The following TENM1 variants were observed in gnomAD, a reference collection of about 807,000 sequenced individuals.
TENM1 encodes teneurin-1.
A neutral mutation model predicts 174.8 loss-of-function variants in TENM1; 35 were observed. The ratio of observed to expected loss-of-function variants is 0.20; its 90% CI spans 0.15 to 0.27. The LOEUF is 0.27. Ranked by LOEUF, TENM1 falls within the 10% of genes least tolerant of loss-of-function variation. The pLI, the probability that TENM1 is intolerant of heterozygous loss-of-function variation, is 1.00. For synonymous variants in TENM1, 781 were observed against 798.7 expected (o/e 0.98, Z 0.37); for missense variants, 1,633 against 2,130.1 (o/e 0.77, Z 4.59).
At chrX:124,900,233 T>G (rs1414159738) in intron 1 of TENM1, among the ~76,000 whole-genome samples, 1 of 112,291 alleles carries the variant, frequency 8.9e-6, no homozygotes, top group Non-Finnish European at 1.9e-5. Flanking sequence ...GGACTATTGA[T>G]GCATAACAAT....
intron 15 of TENM1, among the ~76,000 whole-genome samples, chrX:124,535,673 ATCTG>A (rs1046815162): frequency 4.5e-5 from 5 of 112,304 alleles, no homozygotes; most frequent in African/African-American, 9.7e-5. Context: ...ACAGTTTTAG[ATCTG>A]TCTGTCTTTT....
the TENM1 span, among the ~76,000 whole-genome samples, chrX:125,001,049 G>T: frequency 9.1e-6 from 1 of 109,918 alleles, no homozygotes; most frequent in South Asian, 3.9e-4. Flanking sequence ...CTATACTCCA[G>T]ACATCTCATA....
chrX:124,567,501 C>T (rs1017599160), intron 11 of TENM1, among the ~76,000 whole-genome samples: 6 of 111,358 alleles, frequency 5.4e-5, no homozygotes, highest in African/African-American at 1.3e-4. Context: ...CAGAGAAGTG[C>T]CCATTGGATT....
At chrX:124,939,258 C>G (rs1486893095) in intron 1 of TENM1, among the ~76,000 whole-genome samples, 1 of 111,626 alleles carries the variant, frequency 9.0e-6, no homozygotes, top group Non-Finnish European at 1.9e-5. Flanking sequence ...TGACAAAGAC[C>G]ACAAGATTGA....
the TENM1 span, among the ~76,000 whole-genome samples, chrX:125,051,097 G>C: frequency 3.6e-5 from 4 of 111,453 alleles, no homozygotes; most frequent in Non-Finnish European, 7.5e-5. Flanking sequence ...ATTCACAATT[G>C]CTTCAAAGAG....
At chrX:125,105,178 T>C in the TENM1 span, among the ~76,000 whole-genome samples, 32 of 111,511 alleles carry the variant, frequency 2.9e-4, no homozygotes, top group Middle Eastern at 4.2e-3. Context: ...TTTTTGACAA[T>C]AGAAAGGCAG....
intron 10 of TENM1, among the ~76,000 whole-genome samples, chrX:124,644,109 C>A (rs1035870223): frequency 1.1e-5 from 1 of 89,812 alleles, no homozygotes; most frequent in Admixed American, 1.3e-4. Flanking sequence ...ATGTATATGG[C>A]AGATATATAC....
rs12013090 is a variant in TENM1, at chrX:124,420,796, T to C, written c.4497A>G (p.Ala1499=). ...CTAAGGAGGAAGGGGCTTTCATCTT[T>C]GCATCTTTGGCATAGCCACCATCAC... The change falls in exon 25 of 32, where the codon GCA becomes GCG. Residue 1499 remains alanine (A), a synonymous_variant. Transcript: ENST00000422452. 180,586 of 1,205,651 alleles carry C rather than the reference T, an allele frequency of 0.15. 9,902 individuals are homozygous for C. The highest frequency in any genetic ancestry group is 0.31 in the South Asian group (17,722 of 56,625).
intron 1 of TENM1, among the ~76,000 whole-genome samples, chrX:124,901,261 G>A (rs756433446): frequency 6.4e-4 from 71 of 110,854 alleles, no homozygotes; most frequent in Non-Finnish European, 1.2e-3. Flanking sequence ...GAGCTGGTCT[G>A]GCACATAGGA....
chrX:124,606,911 T>G (rs1352254339), intron 11 of TENM1, among the ~76,000 whole-genome samples: 1 of 110,228 alleles, frequency 9.1e-6, no homozygotes, highest in African/African-American at 3.3e-5. Context: ...AGGTGCTCAG[T>G]AAGTTAATGG....
rs5958501 is a variant in TENM1, at chrX:124,477,468, T to C, written c.3949+4264A>G. 9.3e-3 allele frequency among the ~76,000 whole-genome samples: 1,040 copies of C among 111,745 alleles called. 12 individuals carry two copies. The highest frequency in any genetic ancestry group is 0.03 in the African/African-American group (939 of 30,998). On this transcript the variant is annotated intron_variant, in intron 22 of 31. Coordinates refer to ENST00000422452, the Ensembl canonical transcript of TENM1. ...ATATTTCCAACCTTCCCAGAGATCATAGATTTTAGCAGAAAGGCAGACAGT... is the reference window on the plus strand; with the variant it reads ...ATATTTCCAACCTTCCCAGAGATCACAGATTTTAGCAGAAAGGCAGACAGT...
At chrX:124,382,747 G>T (rs1271267635) in exon 31 of TENM1, 1 of 1,203,972 alleles carries the variant, frequency 8.3e-7, no homozygotes, top group Non-Finnish European at 1.1e-6. Context: ...TCTAATTCAG[G>T]TTTGGGAAAT....
At chrX:124,576,204 T>C in intron 11 of TENM1, among the ~76,000 whole-genome samples, 1 of 110,605 alleles carries the variant, frequency 9.0e-6, no homozygotes, top group Non-Finnish European at 1.9e-5. Context: ...AGACTACAGG[T>C]ACACACCACC....
At chrX:125,159,823 G>A in the TENM1 span, among the ~76,000 whole-genome samples, 518 of 111,954 alleles carry the variant, frequency 4.6e-3, 3 homozygotes, top group African/African-American at 0.016. Flanking sequence ...ATTAAAGACA[G>A]AGCAGTGCAT....
intron 11 of TENM1, among the ~76,000 whole-genome samples, chrX:124,608,941 C>A (rs979617791): frequency 9.1e-6 from 1 of 110,494 alleles, no homozygotes; most frequent in African/African-American, 3.3e-5. Flanking sequence ...ATTTTTGCAG[C>A]GCAAAAATCT....
intron 3 of TENM1, among the ~76,000 whole-genome samples, chrX:124,756,488 C>T (rs1395560705): frequency 9.0e-6 from 1 of 111,430 alleles, no homozygotes; most frequent in Non-Finnish European, 1.9e-5. Flanking sequence ...CTTCTCTCAA[C>T]TCGTCAAAGT....
the TENM1 span, among the ~76,000 whole-genome samples, chrX:124,969,516 G>A: frequency 8.9e-6 from 1 of 112,449 alleles, no homozygotes; most frequent in African/African-American, 3.2e-5. Flanking sequence ...AGCTGTAGCA[G>A]CTAACTCATA....
At chrX:124,725,167 C>T (rs754567954) in intron 4 of TENM1, among the ~76,000 whole-genome samples, 1 of 111,133 alleles carries the variant, frequency 9.0e-6, no homozygotes, top group East Asian at 2.8e-4. Flanking sequence ...TTTCCCATAT[C>T]CCATCTAGCC....
intron 3 of TENM1, among the ~76,000 whole-genome samples, chrX:124,751,050 T>C (rs2054052181): frequency 8.9e-6 from 1 of 111,902 alleles, no homozygotes; most frequent in African/African-American, 3.2e-5. Context: ...ATAGTAACAG[T>C]TGTTAGCTTA....
Sources: gnomAD v4.1 joint callset for allele counts (sites outside exome capture counted in the v4.1 genomes callset) on GRCh38, gnomAD v4.1.1 for gene constraint, MANE v1.5 for transcripts, NCBI Gene and HGNC (gene_info 2026-07-23, HGNC 2026-07-21) for gene names.